The following SLCO3A1 variants were observed in gnomAD, a reference collection of about 807,000 sequenced individuals.
The protein encoded by SLCO3A1 is PGE1 transporter.
A neutral mutation model predicts 63.1 loss-of-function variants in SLCO3A1; 27 were observed. The observed-to-expected ratio is 0.43, with a 90% CI of 0.32 to 0.59. The LOEUF is 0.59. Among genes scored for constraint, SLCO3A1 ranks in the 20% least tolerant of loss-of-function variants. SLCO3A1 has a pLI of 0.09. For missense variants in SLCO3A1, 773 were observed against 945.8 expected, an observed-to-expected ratio of 0.82 and a Z score of 2.40; for synonymous variants, 473 against 409.9, an observed-to-expected ratio of 1.15 and a Z score of -1.86.
At chr15:92,019,522 T>G (rs1338551801) in intron 2 of SLCO3A1, among the ~76,000 whole-genome samples, 1 of 152,110 alleles carries the variant, frequency 6.6e-6, no homozygotes, top group East Asian at 1.9e-4. Flanking sequence ...GCTGGTGGTG[T>G]TTAAGGTACG....
intron 8 of SLCO3A1, chr15:92,149,559 G>T: frequency 6.6e-6 from 1 of 152,388 alleles, no homozygotes; most frequent in Non-Finnish European, 1.5e-5. Context: ...TGGGCTCCGA[G>T]AGAAATTAGG....
intron 2 of SLCO3A1, among the ~76,000 whole-genome samples, chr15:92,044,819 A>G (rs1341884394): frequency 6.6e-6 from 1 of 152,014 alleles, no homozygotes; most frequent in East Asian, 1.9e-4. Flanking sequence ...TTGACTCCTG[A>G]CGTAGTCTCT....
downstream of SLCO3A1, among the ~76,000 whole-genome samples, chr15:92,169,141 T>C (rs1415217719): frequency 1.3e-5 from 2 of 152,224 alleles, no homozygotes; most frequent in Non-Finnish European, 2.9e-5. Flanking sequence ...TATTAGCTCA[T>C]GTAATCTCAA....
rs1343036157 is a variant in SLCO3A1, at chr15:91,886,748, C to T, written c.181-29245C>T. Among the ~76,000 whole-genome samples, 3 of 152,126 alleles carry T rather than the reference C, an allele frequency of 2.0e-5. No individual in the cohort carries two copies. The highest frequency in any genetic ancestry group is 4.4e-5 in the Non-Finnish European group (3 of 68,026). ...AACTCCAGACAATAATTCAGGGGTA[C>T]GATGTGATGGCCCTCTGTTGATTCT... is the stretch of plus-strand genomic sequence containing the variant. On this transcript the variant is annotated intron_variant, in intron 1 of 9. Transcript: ENST00000318445. This position sits in a 1 kb window ranked among gnomAD's most constrained non-coding sequence, Gnocchi z 4.9.
intron 2 of SLCO3A1, among the ~76,000 whole-genome samples, chr15:92,013,264 G>A (rs1287436203): frequency 1.3e-5 from 2 of 152,238 alleles, no homozygotes; most frequent in African/African-American, 2.4e-5. Flanking sequence ...CGGCAGCATG[G>A]ATTGATATTG....
intron 9 of SLCO3A1, among the ~76,000 whole-genome samples, chr15:92,152,900 C>A (rs1456200082): frequency 6.6e-6 from 1 of 152,200 alleles, no homozygotes; most frequent in Non-Finnish European, 1.5e-5. Context: ...ATGGAGATCT[C>A]TGCACCTCTA....
At chr15:92,108,750 G>A (rs2047694658) in intron 4 of SLCO3A1, among the ~76,000 whole-genome samples, 1 of 152,102 alleles carries the variant, frequency 6.6e-6, no homozygotes, top group Admixed American at 6.5e-5. Flanking sequence ...CTTGTTTGCT[G>A]CTATTTCTCC....
intron 2 of SLCO3A1, among the ~76,000 whole-genome samples, chr15:91,936,000 G>GC (rs1293491274): frequency 2.6e-5 from 4 of 152,196 alleles, no homozygotes; most frequent in Non-Finnish European, 5.9e-5. Flanking sequence ...AGATCATCGA[G>GC]CAAGGAGTCA....
chr15:91,948,926 GTT>G lies in SLCO3A1; in HGVS notation c.646+32480_646+32481del, dbSNP rs200407433. Among the ~76,000 whole-genome samples, 5,235 of 145,618 alleles carry G rather than the reference GTT, an allele frequency of 0.036. 179 individuals carry two copies. The highest frequency in any genetic ancestry group is 0.092 in the African/African-American group (3,650 of 39,786). On this transcript the variant is annotated intron_variant, in intron 2 of 9. Transcript: ENST00000318445. The surrounding 1 kb of genome is among the most constrained non-coding windows in gnomAD (Gnocchi z 4.8). The stretch of plus-strand genomic sequence containing the variant: ...CATCCATTTAGGAATCAATACTTTG[GTT>G]TTTTTTTTTTTACTATTATTTCTGC...
intron 7 of SLCO3A1, among the ~76,000 whole-genome samples, chr15:92,146,159 G>A (rs2048219667): frequency 2.0e-5 from 3 of 152,128 alleles, no homozygotes; most frequent in Non-Finnish European, 4.4e-5. Context: ...CTATTATTAT[G>A]GAACCTTAAT....
intron 2 of SLCO3A1, among the ~76,000 whole-genome samples, chr15:92,007,960 G>A (rs957210692): frequency 6.6e-6 from 1 of 152,154 alleles, no homozygotes; most frequent in African/African-American, 2.4e-5. Flanking sequence ...CATACTGACA[G>A]CCTTGAGGAC....
At chr15:92,023,867 G>T (rs2046539356) in intron 2 of SLCO3A1, among the ~76,000 whole-genome samples, 1 of 152,200 alleles carries the variant, frequency 6.6e-6, no homozygotes, top group Non-Finnish European at 1.5e-5. Context: ...TTATCCCATT[G>T]ATCCTTACCC....
intron 1 of SLCO3A1, among the ~76,000 whole-genome samples, chr15:91,869,542 A>T (rs2151332610): frequency 6.6e-6 from 1 of 151,832 alleles, no homozygotes; most frequent in African/African-American, 2.4e-5. Context: ...AAAATTAAAA[A>T]ATTAGCTGGG....
intron 2 of SLCO3A1, among the ~76,000 whole-genome samples, chr15:91,970,188 C>T (rs1362001482): frequency 6.6e-6 from 1 of 152,222 alleles, no homozygotes; most frequent in Non-Finnish European, 1.5e-5. Context: ...TGAGCAAGCA[C>T]ATGTAGCACA....
intron 2 of SLCO3A1, among the ~76,000 whole-genome samples, chr15:92,071,193 G>A (rs1437659399): frequency 6.6e-6 from 1 of 152,174 alleles, no homozygotes; most frequent in Non-Finnish European, 1.5e-5. Context: ...CCTCCTGGGG[G>A]CACGTGACCT....
chr15:92,141,170 A>G (rs1294335926), intron 7 of SLCO3A1, among the ~76,000 whole-genome samples: 1 of 152,180 alleles, frequency 6.6e-6, no homozygotes. Context: ...TTGGATGCCA[A>G]GCAGAGAATT....
rs531685284 is a variant in SLCO3A1, at chr15:91,912,247, A to T, written c.181-3746A>T. ...ACAAGTGGGTTTTATGGCCTCATGCATACTTAGTCTGTCTTCTCAAAATTG... is the reference window on the plus strand; with the variant it reads ...ACAAGTGGGTTTTATGGCCTCATGCTTACTTAGTCTGTCTTCTCAAAATTG... On this transcript the variant is annotated intron_variant, in intron 1 of 9. Coordinates refer to ENST00000318445, the MANE Select transcript of SLCO3A1 (RefSeq NM_013272.4). The surrounding 1 kb of genome is among the most constrained non-coding windows in gnomAD (Gnocchi z 5.0). Among the ~76,000 whole-genome samples, 1 of 152,284 alleles carries T rather than the reference A, an allele frequency of 6.6e-6. No individual in the cohort carries two copies. Among genetic ancestry groups the T allele is most frequent in the East Asian group, 1.9e-4 (1 of 5,182 alleles).
intron 2 of SLCO3A1, among the ~76,000 whole-genome samples, chr15:91,927,073 T>C (rs1306943680): frequency 6.6e-6 from 1 of 152,082 alleles, no homozygotes; most frequent in Non-Finnish European, 1.5e-5. Context: ...GCCACTGTAC[T>C]TACAACAGGA....
chr15:92,112,835 G>A (rs538377928), intron 4 of SLCO3A1, among the ~76,000 whole-genome samples: 2 of 152,378 alleles, frequency 1.3e-5, no homozygotes, highest in Admixed American at 6.5e-5. Flanking sequence ...TAGGCTTAAA[G>A]ATGGGTATTT....
Sources: allele counts gnomAD v4.1 joint callset (sites outside exome capture counted in the v4.1 genomes callset), GRCh38; gene constraint gnomAD v4.1.1; non-coding constraint Gnocchi (gnomAD v3.1); transcripts MANE v1.5; gene names NCBI Gene and HGNC (gene_info 2026-07-23, HGNC 2026-07-21).